EPB41L4B: variants seen among roughly 807,000 people sequenced by gnomAD.
EPB41L4B encodes the protein band 4.1-like protein 4B.
EPB41L4B carries 30 observed loss-of-function variants against 112.5 expected under a neutral mutation model. The ratio of observed to expected loss-of-function variants is 0.27; its 90% CI spans 0.20 to 0.36. The LOEUF is 0.36. EPB41L4B is among the 10% of genes least tolerant of loss of function. The probability of loss-of-function intolerance (pLI) is 1.00; values close to 1 mark genes in which losing one functional copy is unlikely to be tolerated. For synonymous variants in EPB41L4B, 408 were observed against 439.7 expected (o/e 0.93, Z 0.90); for missense variants, 1,024 against 1,133.3 (o/e 0.90, Z 1.38).
At chr9:109,223,677 C>T (rs968109410) in intron 15 of EPB41L4B, among the ~76,000 whole-genome samples, 12 of 152,206 alleles carry the variant, frequency 7.9e-5, no homozygotes, top group Admixed American at 7.2e-4. Flanking sequence ...TGGAGCCCCT[C>T]AGATATCATC....
At chr9:109,311,753 G>T (rs1242396154) in intron 1 of EPB41L4B, among the ~76,000 whole-genome samples, 1 of 152,154 alleles carries the variant, frequency 6.6e-6, no homozygotes, top group African/African-American at 2.4e-5. Context: ...AGGAAGGCTG[G>T]GTGTGCACAG....
chr9:109,194,454 A>G, intron 20 of EPB41L4B, 57 bp from the exon 21 acceptor site: 1 of 1,560,110 alleles, frequency 6.4e-7, no homozygotes. Context: ...ACAGGCTGTG[A>G]GGAGTGGACG....
rs545373070 is a variant in EPB41L4B at position 109,179,159 on chromosome 9, C to G, written c.2488-2463G>C. 3.3e-5 allele frequency among the ~76,000 whole-genome samples: 5 copies of G among 152,328 alleles called. No individual in the cohort carries two copies. In the South Asian group the frequency reaches 1.0e-3, roughly 32 times the overall value. ...TCCCCACCCTAGATGGACCAACATA[C>G]TCGGCTGAGTATGAGCAGAGACCCA... On this transcript the variant is annotated intron_variant, in intron 24 of 25. Transcript: ENST00000374566.
chr9:109,276,043 A>G (rs1478791676), intron 2 of EPB41L4B, among the ~76,000 whole-genome samples: 1 of 147,944 alleles, frequency 6.8e-6, no homozygotes, highest in Non-Finnish European at 1.5e-5. Flanking sequence ...TTATATATAT[A>G]TATAAAATAT....
At chr9:109,217,347 T>C (rs1202449339) in intron 15 of EPB41L4B, among the ~76,000 whole-genome samples, 3 of 152,230 alleles carry the variant, frequency 2.0e-5, no homozygotes, top group African/African-American at 7.2e-5. Context: ...TATCAGAGAC[T>C]TTAAGTCTTG....
At chr9:109,302,333 G>A (rs1837000972) in intron 1 of EPB41L4B, among the ~76,000 whole-genome samples, 1 of 152,062 alleles carries the variant, frequency 6.6e-6, no homozygotes, top group Non-Finnish European at 1.5e-5. Flanking sequence ...TCTTCACATG[G>A]TCCTCCCCCT....
At chr9:109,175,306 C>T (rs1180890701) in intron 25 of EPB41L4B, among the ~76,000 whole-genome samples, 1 of 152,016 alleles carries the variant, frequency 6.6e-6, no homozygotes, top group Non-Finnish European at 1.5e-5. Context: ...TTCTCCCAGG[C>T]TTTCATTTGA....
intron 22 of EPB41L4B, among the ~76,000 whole-genome samples, chr9:109,187,442 T>G (rs1832308847): frequency 7.3e-6 from 1 of 137,336 alleles, no homozygotes; most frequent in Non-Finnish European, 1.6e-5. Context: ...GTTCATTTTG[T>G]TGACTGTTTC....
intron 11 of EPB41L4B, among the ~76,000 whole-genome samples, chr9:109,253,989 G>C (rs1834889187): frequency 6.6e-6 from 1 of 152,180 alleles, no homozygotes; most frequent in Non-Finnish European, 1.5e-5. Flanking sequence ...ATTTCACTAA[G>C]GCTTTTTGGG....
intron 2 of EPB41L4B, among the ~76,000 whole-genome samples, chr9:109,268,931 A>G (rs1028255884): frequency 9.9e-5 from 15 of 151,082 alleles, no homozygotes; most frequent in South Asian, 6.3e-4. Context: ...ACGTTTATGC[A>G]TATATGTGCA....
chr9:109,243,731 A>AT (rs1564289481), intron 14 of EPB41L4B, 49 bp from the exon 15 acceptor site: 4 of 1,578,540 alleles, frequency 2.5e-6, no homozygotes, highest in Non-Finnish European at 3.5e-6. Flanking sequence ...TTTAATTTCA[A>AT]TGGTCCTCAT....
chr9:109,181,554 G>A (rs1832053275), intron 24 of EPB41L4B, among the ~76,000 whole-genome samples: 2 of 152,168 alleles, frequency 1.3e-5, no homozygotes, highest in African/African-American at 4.8e-5. Flanking sequence ...GTAAGAAGAG[G>A]GGGCAGGCAT....
intron 23 of EPB41L4B, among the ~76,000 whole-genome samples, chr9:109,183,979 C>T (rs566324299): frequency 2.3e-4 from 35 of 152,340 alleles, no homozygotes; most frequent in African/African-American, 7.5e-4. Flanking sequence ...GATGTCCAGC[C>T]CAAGCCTGCT....
At chr9:109,287,051 C>T (rs1018354440) in intron 1 of EPB41L4B, among the ~76,000 whole-genome samples, 2 of 152,176 alleles carry the variant, frequency 1.3e-5, no homozygotes, top group Non-Finnish European at 2.9e-5. Context: ...TGTAGCAGCT[C>T]CTTCTGATGA....
chr9:109,313,163 ATC>A (rs1245546624), intron 1 of EPB41L4B, among the ~76,000 whole-genome samples: 2 of 152,178 alleles, frequency 1.3e-5, no homozygotes, highest in African/African-American at 4.8e-5. Context: ...GTTTATGGGT[ATC>A]TGTTTACTCT....
At chr9:109,297,209 G>C (rs1030625945) in intron 1 of EPB41L4B, among the ~76,000 whole-genome samples, 1 of 133,356 alleles carries the variant, frequency 7.5e-6, no homozygotes, top group African/African-American at 2.7e-5. Flanking sequence ...GGGTGGGGGG[G>C]GATCTGCCAG....
At chr9:109,175,468 AACACACACACACACACACACACAC>A (rs59210551) in intron 25 of EPB41L4B, among the ~76,000 whole-genome samples, 4 of 129,306 alleles carry the variant, frequency 3.1e-5, no homozygotes, top group Non-Finnish European at 6.5e-5. Context: ...CCACTGTTTA[AACACACACACACACACACACACAC>A]ACACACACAC....
At chr9:109,287,494 C>A (rs182229968) in intron 1 of EPB41L4B, among the ~76,000 whole-genome samples, 369 of 152,312 alleles carry the variant, frequency 2.4e-3, no homozygotes, top group African/African-American at 8.3e-3. Flanking sequence ...TGTATGTGAG[C>A]GTGCCAGTCA....
intron 17 of EPB41L4B, among the ~76,000 whole-genome samples, chr9:109,211,604 A>G (rs1833176144): frequency 6.6e-6 from 1 of 151,972 alleles, no homozygotes; most frequent in East Asian, 1.9e-4. Context: ...CAAAAAAAAA[A>G]AAAAATCAAA....
Sources: gnomAD v4.1 joint callset for allele counts (sites outside exome capture counted in the v4.1 genomes callset) on GRCh38, gnomAD v4.1.1 for gene constraint, MANE v1.5 for transcripts, NCBI Gene and HGNC (gene_info 2026-07-23, HGNC 2026-07-21) for gene names.